GALNT13: variants seen among roughly 807,000 people sequenced by gnomAD.
GALNT13 encodes the protein UDP-GalNAc:polypeptide N-acetylgalactosaminyltransferase 13.
Under a neutral mutation model 64.2 loss-of-function variants are expected in GALNT13, and 28 were observed. The observed-to-expected ratio is 0.44, with a 90% CI of 0.32 to 0.60. The LOEUF (loss-of-function observed/expected upper bound fraction) is 0.60. Among genes scored for constraint, GALNT13 ranks in the 20% least tolerant of loss-of-function variants. The pLI is 0.05. For missense variants in GALNT13, 577 were observed against 669.8 expected, an observed-to-expected ratio of 0.86 and a Z score of 1.53; for synonymous variants, 214 against 224.6, an observed-to-expected ratio of 0.95 and a Z score of 0.42.
chr2:153,157,800 G>A, the GALNT13 span, among the ~76,000 whole-genome samples: 1 of 152,082 alleles, frequency 6.6e-6, no homozygotes, highest in Non-Finnish European at 1.5e-5. Context: ...TATACTAGAA[G>A]ATAGAGAAAA....
chr2:153,134,587 A>G, the GALNT13 span, among the ~76,000 whole-genome samples: 1 of 152,132 alleles, frequency 6.6e-6, no homozygotes, highest in Non-Finnish European at 1.5e-5. Flanking sequence ...TTTGCTATCA[A>G]CAAACTTTTA....
intron 8 of GALNT13, among the ~76,000 whole-genome samples, chr2:154,291,117 G>C (rs567187082): frequency 6.6e-6 from 1 of 152,182 alleles, no homozygotes; most frequent in East Asian, 1.9e-4. Flanking sequence ...GCCGCGGCTG[G>C]CTTGGGTGGC....
chr2:154,140,164 A>T (rs1480439021), intron 3 of GALNT13, among the ~76,000 whole-genome samples, 173 bp from the exon 4 acceptor site: 1 of 152,090 alleles, frequency 6.6e-6, no homozygotes, highest in South Asian at 2.1e-4. Flanking sequence ...CGCAGAATTG[A>T]TGTTTTTCTT....
chr2:153,358,817 C>T, the GALNT13 span, among the ~76,000 whole-genome samples: 1 of 152,026 alleles, frequency 6.6e-6, no homozygotes, highest in Admixed American at 6.6e-5. Context: ...TAAATCACTC[C>T]TCCCGATTTT....
At chr2:154,009,122 T>TGA (rs1696452213) in intron 3 of GALNT13, among the ~76,000 whole-genome samples, 1 of 152,144 alleles carries the variant, frequency 6.6e-6, no homozygotes, top group African/African-American at 2.4e-5. Flanking sequence ...GGCTAGCCAG[T>TGA]TATCCCAGCA....
At chr2:154,428,435 C>G (rs1457808298) in intron 11 of GALNT13, among the ~76,000 whole-genome samples, 2 of 152,044 alleles carry the variant, frequency 1.3e-5, no homozygotes, top group Non-Finnish European at 2.9e-5. Flanking sequence ...AAATCAAAAC[C>G]TATATGATAG....
chr2:153,714,185 T>G, the GALNT13 span, among the ~76,000 whole-genome samples: 312 of 152,326 alleles, frequency 2.0e-3, 1 homozygote, highest in African/African-American at 6.4e-3. Context: ...GTCTTTTTCA[T>G]TTAGAATTGA....
At chr2:154,261,945 T>G (rs1690721317) in intron 8 of GALNT13, among the ~76,000 whole-genome samples, 1 of 152,078 alleles carries the variant, frequency 6.6e-6, no homozygotes, top group Non-Finnish European at 1.5e-5. Context: ...AGATTCTGAC[T>G]CACCTCAAGG....
At chr2:153,867,775 A>G (rs1269940000), upstream of GALNT13, among the ~76,000 whole-genome samples, 2 of 151,960 alleles carry the variant, frequency 1.3e-5, no homozygotes, top group Admixed American at 6.6e-5. Context: ...CATAAGGAGC[A>G]CAACCTAGTT....
intron 8 of GALNT13, among the ~76,000 whole-genome samples, chr2:154,279,172 C>T (rs940464701): frequency 6.6e-6 from 1 of 151,690 alleles, no homozygotes; most frequent in African/African-American, 2.4e-5. Context: ...TAGATGAGTT[C>T]TTATTATCAT....
the GALNT13 span, among the ~76,000 whole-genome samples, chr2:153,347,349 A>G: frequency 6.6e-6 from 1 of 152,174 alleles, no homozygotes; most frequent in Non-Finnish European, 1.5e-5. Context: ...AGGTAGGACT[A>G]TACCTGCACT....
At chr2:154,158,605 T>A (rs1290652687) in intron 4 of GALNT13, among the ~76,000 whole-genome samples, 1 of 152,232 alleles carries the variant, frequency 6.6e-6, no homozygotes, top group African/African-American at 2.4e-5. Flanking sequence ...AAATCAGTTT[T>A]GTGCTTATTT....
chr2:153,894,556 AAG>A (rs1180954892), intron 1 of GALNT13, among the ~76,000 whole-genome samples: 3 of 151,972 alleles, frequency 2.0e-5, no homozygotes, highest in African/African-American at 7.2e-5. Flanking sequence ...GTCAAATTAA[AAG>A]AGAGAGAGAG....
intron 3 of GALNT13, among the ~76,000 whole-genome samples, chr2:154,116,367 A>G (rs1223116015): frequency 1.3e-5 from 2 of 152,158 alleles, no homozygotes; most frequent in Non-Finnish European, 2.9e-5. Flanking sequence ...CAGGTCAGCC[A>G]CTTGCATGAT....
At chr2:153,861,505 G>C in the GALNT13 span, among the ~76,000 whole-genome samples, 1 of 150,690 alleles carries the variant, frequency 6.6e-6, no homozygotes, top group Non-Finnish European at 1.5e-5. Flanking sequence ...GAAAATAAAA[G>C]TAGAAGTTCT....
chr2:153,973,953 T>C (rs1693910330), intron 3 of GALNT13, among the ~76,000 whole-genome samples: 1 of 152,030 alleles, frequency 6.6e-6, no homozygotes, highest in African/African-American at 2.4e-5. Context: ...TGATCATTTG[T>C]AATAGGTCCA....
At chr2:153,486,361 G>C in the GALNT13 span, among the ~76,000 whole-genome samples, 1 of 152,114 alleles carries the variant, frequency 6.6e-6, no homozygotes, top group South Asian at 2.1e-4. Context: ...TGTAATAAGG[G>C]TAGATCAGAG....
chr2:154,161,506 T>C (rs1186731897), intron 4 of GALNT13, among the ~76,000 whole-genome samples: 1 of 152,086 alleles, frequency 6.6e-6, no homozygotes, highest in Non-Finnish European at 1.5e-5. Flanking sequence ...ACAGATGGTG[T>C]GGACTTCAAA....
chr2:153,170,110 G>C, the GALNT13 span, among the ~76,000 whole-genome samples: 4 of 152,144 alleles, frequency 2.6e-5, no homozygotes, highest in Non-Finnish European at 4.4e-5. Flanking sequence ...TACGGTTACA[G>C]TCTTAAATCT....
Sources: gnomAD v4.1 joint callset for allele counts (sites outside exome capture counted in the v4.1 genomes callset) on GRCh38, gnomAD v4.1.1 for gene constraint, MANE v1.5 for transcripts, NCBI Gene and HGNC (gene_info 2026-07-23, HGNC 2026-07-21) for gene names.